SASS6: variants seen among roughly 807,000 people sequenced by gnomAD.
SASS6 encodes SAS-6 centriolar assembly protein, also known as spindle assembly abnormal protein 6 homolog.
In SASS6, 59 loss-of-function variants were observed where a neutral mutation model predicts 94.9. The observed-to-expected ratio is 0.62, with a 90% CI of 0.50 to 0.77. SASS6 has a LOEUF of 0.77. SASS6 is among the 30% of genes least tolerant of loss of function. The pLI is 0.00. For missense variants in SASS6, 698 were observed against 734.1 expected (o/e 0.95, Z 0.57); for synonymous variants, 264 against 270.0 (o/e 0.98, Z 0.22).
Position 100,107,838 on chromosome 1 carries a change from T to C in SASS6, c.1028A>G (p.Glu343Gly), listed in dbSNP as rs200567598. Residue 343 changes from glutamate (E) to glycine (G), a missense_variant, in exon 9 of 17, where the codon GAG (glutamate) becomes GGG (glycine). Coordinates refer to ENST00000287482, the MANE Select transcript of SASS6 (RefSeq NM_194292.3). The part of the protein sequence containing the change: ...DKDQLVLRTK[E>G]AFDTIQEQKV... Reference sequence around the variant, plus strand: ...TTGTTCCTGGATTGTATCAAATGCCTCTTTTGTTCTTAAAACAAGCTGGTC... The same window carrying C: ...TTGTTCCTGGATTGTATCAAATGCCCCTTTTGTTCTTAAAACAAGCTGGTC... 10 of 1,612,078 alleles carry C rather than the reference T, an allele frequency of 6.2e-6. No homozygotes were observed. Among genetic ancestry groups the C allele is most frequent in the African/African-American group, 1.3e-5 (1 of 74,874 alleles).
intron 2 of SASS6, among the ~76,000 whole-genome samples, chr1:100,123,555 A>G (rs1654357931): frequency 6.6e-6 from 1 of 152,242 alleles, no homozygotes; most frequent in Non-Finnish European, 1.5e-5. Flanking sequence ...ATATCCTCCT[A>G]TCAGAGGCTT....
chr1:100,109,575 A>G (rs1278134172), intron 8 of SASS6, among the ~76,000 whole-genome samples: 1 of 152,034 alleles, frequency 6.6e-6, no homozygotes, highest in Non-Finnish European at 1.5e-5. Flanking sequence ...CATTCTGTAC[A>G]TGTATCCTGG....
At chr1:100,109,882 A>C (rs1044890792) in intron 8 of SASS6, among the ~76,000 whole-genome samples, 1 of 151,948 alleles carries the variant, frequency 6.6e-6, no homozygotes, top group Non-Finnish European at 1.5e-5. Flanking sequence ...AGCATTAACT[A>C]TTATCTTTAC....
At chr1:100,101,640 TACA>T (rs1652503280) in intron 14 of SASS6, among the ~76,000 whole-genome samples, 2 of 152,154 alleles carry the variant, frequency 1.3e-5, no homozygotes, top group South Asian at 2.1e-4. Flanking sequence ...GATCCCAAGA[TACA>T]ACGACACTTG....
chr1:100,106,570 G>A (rs1380262586), intron 12 of SASS6, among the ~76,000 whole-genome samples: 2 of 152,154 alleles, frequency 1.3e-5, no homozygotes, highest in African/African-American at 4.8e-5. Context: ...CTACAGCCGA[G>A]CACGATGGCT....
Position 100,084,315 on chromosome 1 carries a change from A to C in SASS6, c.*1013T>G, listed in dbSNP as rs896946197. Reference sequence around the variant, plus strand: ...AAAATTGATCTAGAAGACTCTTTAGAGAATGCTACCAGGTATTGTTTGTCA... The same window carrying C: ...AAAATTGATCTAGAAGACTCTTTAGCGAATGCTACCAGGTATTGTTTGTCA... On this transcript the variant is annotated 3_prime_UTR_variant, in exon 17 of 17. Transcript: ENST00000287482. 2.0e-5 allele frequency: 3 copies of C among 152,098 alleles called. No homozygotes were observed. Among genetic ancestry groups the C allele is most frequent in the Admixed American group, 1.3e-4 (2 of 15,280 alleles). The allele number at this position is 152,098 out of a possible 1,614,324, so 9.4% of individuals were successfully genotyped here. A position where few individuals can be genotyped will look rare whatever the true frequency, so the allele number is the denominator to read the frequency against.
In SASS6 at chr1:100,092,979, A is replaced by G. The variant is rs114074686; in HGVS notation, c.1675-4743T>C. 8.3e-3 allele frequency among the ~76,000 whole-genome samples: 1,266 copies of G among 152,258 alleles called. 10 individuals carry two copies. Among genetic ancestry groups the G allele is most frequent in the Non-Finnish European group, 0.013 (899 of 68,016 alleles). On this transcript the variant is annotated intron_variant, in intron 14 of 16. Coordinates refer to ENST00000287482, the MANE Select transcript of SASS6 (RefSeq NM_194292.3). ...TACAATACATACGAAATATGAAAAC[A>G]TAAGGGGGGAAAAGGCAAAGGGACT...
intron 14 of SASS6, among the ~76,000 whole-genome samples, chr1:100,092,278 G>A (rs1651763344): frequency 6.6e-6 from 1 of 152,002 alleles, no homozygotes; most frequent in Non-Finnish European, 1.5e-5. Context: ...AATCCTAAAA[G>A]AGGCAGAACA....
intron 4 of SASS6, 102 bp downstream of exon 4, chr1:100,122,278 G>T: frequency 1.8e-6 from 1 of 551,324 alleles, no homozygotes; most frequent in Non-Finnish European, 3.2e-6. Flanking sequence ...AATAAACAGG[G>T]ATAGTCATAA....
intron 14 of SASS6, among the ~76,000 whole-genome samples, chr1:100,093,614 T>C (rs1033707894): frequency 2.6e-5 from 4 of 151,800 alleles, no homozygotes; most frequent in East Asian, 1.9e-4. Context: ...ATACGAAAAT[T>C]AGGCAGGTGT....
chr1:100,093,181 T>TTC (rs1557880080), intron 14 of SASS6, among the ~76,000 whole-genome samples: 1 of 138,352 alleles, frequency 7.2e-6, no homozygotes, highest in East Asian at 2.0e-4. Context: ...TTTCTTTTTT[T>TTC]TTTTTTTTTT....
At chr1:100,117,840 T>A in intron 7 of SASS6, among the ~76,000 whole-genome samples, 1 of 138,178 alleles carries the variant, frequency 7.2e-6, no homozygotes. Context: ...ATTAAGAAGG[T>A]GGCAGGGCAC....
chr1:100,127,962 C>G (rs993571476), intron 1 of SASS6, among the ~76,000 whole-genome samples: 8 of 151,942 alleles, frequency 5.3e-5, no homozygotes, highest in African/African-American at 1.9e-4. Context: ...AGTATAAATG[C>G]CATAGTGGTA....
At chr1:100,111,053 C>T (rs554934632) in intron 7 of SASS6, among the ~76,000 whole-genome samples, 3 of 152,088 alleles carry the variant, frequency 2.0e-5, no homozygotes, top group South Asian at 4.1e-4. Flanking sequence ...CTGTCTGAAT[C>T]GTATCACAAA....
intron 4 of SASS6, 120 bp from the exon 5 acceptor site, chr1:100,121,669 G>A: frequency 1.7e-6 from 1 of 586,460 alleles, no homozygotes; most frequent in South Asian, 2.1e-5. Flanking sequence ...GACTCCCAAT[G>A]GTAAAAGATA....
rs1654337895 is a variant in SASS6 at position 100,123,266 on chromosome 1, ATCAG to A, written c.146_149del (p.Thr49MetfsTer21). ...TATATAAAAAAAATGGATCCGTGTCATCAGTCAGACGAATAACTAAGTCCTAAAA... is the reference window on the plus strand; with the variant it reads ...TATATAAAAAAAATGGATCCGTGTCATCAGACGAATAACTAAGTCCTAAAA... On this transcript the variant is annotated frameshift_variant, in exon 3 of 17. Transcript: ENST00000287482. LOFTEE classifies it high-confidence loss of function. 6.4e-7 allele frequency: 1 copy of A among 1,557,588 alleles called. No individual in the cohort carries two copies. The highest frequency in any genetic ancestry group is 2.3e-5 in the East Asian group (1 of 44,366).
At chr1:100,127,730 T>C (rs531247968) in intron 1 of SASS6, among the ~76,000 whole-genome samples, 1 of 151,542 alleles carries the variant, frequency 6.6e-6, no homozygotes, top group East Asian at 2.0e-4. Context: ...CTCCCACCTG[T>C]AGTGCTGGCT....
At chr1:100,120,942 T>C (rs1654147916) in intron 5 of SASS6, among the ~76,000 whole-genome samples, 1 of 146,484 alleles carries the variant, frequency 6.8e-6, no homozygotes, top group Non-Finnish European at 1.5e-5. Context: ...CCCAGCTAGT[T>C]GGGAGGCTGA....
intron 13 of SASS6, 61 bp from the exon 14 acceptor site, chr1:100,103,144 G>T: frequency 1.8e-6 from 2 of 1,112,382 alleles, no homozygotes; most frequent in South Asian, 1.5e-5. Flanking sequence ...AGTATTTGTT[G>T]ATCAGGTGGC....
Sources: allele counts gnomAD v4.1 joint callset (sites outside exome capture counted in the v4.1 genomes callset), GRCh38; gene constraint gnomAD v4.1.1; transcripts MANE v1.5; gene names NCBI Gene and HGNC (gene_info 2026-07-23, HGNC 2026-07-21).